EPHA4: variants seen among roughly 807,000 people sequenced by gnomAD.
The protein encoded by EPHA4 is ephrin type-A receptor 4.
EPHA4 carries 19 observed loss-of-function variants against 108.3 expected under a neutral mutation model. The ratio of observed to expected loss-of-function variants is 0.18; its 90% CI spans 0.12 to 0.26. The LOEUF (loss-of-function observed/expected upper bound fraction) is 0.26, where lower values mean the gene tolerates loss of function less well. Among genes scored for constraint, EPHA4 ranks in the 10% least tolerant of loss-of-function variants. The pLI is 1.00. For missense variants in EPHA4, 917 were observed against 1,254.0 expected (o/e 0.73, Z 4.06); for synonymous variants, 449 against 455.5 (o/e 0.99, Z 0.18).
intron 4 of EPHA4, among the ~76,000 whole-genome samples, chr2:221,494,647 A>C (rs560925033): frequency 6.6e-6 from 1 of 152,230 alleles, no homozygotes; most frequent in Admixed American, 6.5e-5. Context: ...TTTAAATATA[A>C]CATTGATTTA....
At chr2:221,572,366 G>A (rs1694872817), upstream of EPHA4, 2 of 876,770 alleles carry the variant, frequency 2.3e-6, no homozygotes, top group Non-Finnish European at 3.5e-6. Context: ...GGTGACGTGA[G>A]CCCGCCAGTC....
intron 9 of EPHA4, among the ~76,000 whole-genome samples, chr2:221,445,360 C>T (rs1333884724): frequency 2.0e-5 from 3 of 151,926 alleles, no homozygotes; most frequent in South Asian, 2.1e-4. Context: ...GAGGCCGAGG[C>T]GGGCGGATCA....
intron 5 of EPHA4, among the ~76,000 whole-genome samples, chr2:221,471,847 C>A (rs1340699841): frequency 6.6e-6 from 1 of 152,124 alleles, no homozygotes; most frequent in Non-Finnish European, 1.5e-5. Context: ...TAAGGCTCTG[C>A]TAGTTGTTCT....
At position 221,443,588 on chromosome 2, in the gene EPHA4, T is replaced by G; in HGVS notation, c.1793A>C (p.Asp598Ala). Residue 598 changes from aspartate (D) to alanine (A), a missense_variant, in exon 10 of 18, where the codon GAC (aspartate) becomes GCC (alanine). Asp to Ala is a moderately radical substitution (Grantham distance 126). This residue lies in a region of EPHA4 where 758 missense variants were observed against 1,076.7 expected (regional missense o/e 0.70). Coordinates refer to ENST00000281821, the MANE Select transcript of EPHA4 (RefSeq NM_004438.5). Reference sequence around the variant, plus strand: ...GTTGGGATCTTCGTACGTAAAGGGGTCCACATATGTTCTTACACCTGAGTG... The same window carrying G: ...GTTGGGATCTTCGTACGTAAAGGGGGCCACATATGTTCTTACACCTGAGTG... ...HLNQGVRTYV[D>A]PFTYEDPNQA... The G allele has an allele frequency of 6.2e-7, 1 of 1,613,866 alleles. No homozygotes were observed. The highest frequency in any genetic ancestry group is 1.1e-5 in the South Asian group (1 of 91,054).
chr2:221,532,122 TA>T (rs1693539364), intron 3 of EPHA4, among the ~76,000 whole-genome samples: 4 of 115,018 alleles, frequency 3.5e-5, no homozygotes, highest in African/African-American at 1.7e-4. Flanking sequence ...TATTTCAATT[TA>T]TTCTTTTTTT....
chr2:221,420,940 T>C (rs946607107), intron 17 of EPHA4, among the ~76,000 whole-genome samples: 39 of 152,158 alleles, frequency 2.6e-4, no homozygotes, highest in African/African-American at 8.2e-4. Flanking sequence ...AGCCTGTCTA[T>C]GAAATGAAAA....
rs764646085 is a variant in EPHA4 at position 221,446,179 on chromosome 2, C to T, written c.1718G>A (p.Arg573Gln). 6.6e-7 allele frequency: 1 copy of T among 1,504,720 alleles called. No individual in the cohort carries two copies. Among genetic ancestry groups the T allele is most frequent in the South Asian group, 1.4e-5 (1 of 70,936 alleles). The allele number at this position is 1,504,720 out of a possible 1,614,324, so 93.2% of individuals were successfully genotyped here. A position where few individuals can be genotyped will look rare whatever the true frequency, so the allele number is the denominator to read the frequency against. The change falls in exon 9 of 18, where the codon CGG becomes CAG. Residue 573 changes from arginine to glutamine, a missense_variant and splice_region_variant. This residue lies in a region of EPHA4 where 758 missense variants were observed against 1,076.7 expected (regional missense o/e 0.70). Coordinates refer to ENST00000281821, the MANE Select transcript of EPHA4 (RefSeq NM_004438.5). ...LIAAFVISRR[R>Q]SKYSKAKQEA... ...TTGTTTGGCTTTACTGTATTTACTC[C>T]GTCTATTAAAATTTTTTTAAAAAAG...
At chr2:221,539,492 G>A (rs184855003) in intron 3 of EPHA4, among the ~76,000 whole-genome samples, 36 of 152,282 alleles carry the variant, frequency 2.4e-4, no homozygotes, top group Non-Finnish European at 4.7e-4. Flanking sequence ...GAACCTTGTG[G>A]AATGTGCAAA....
chr2:221,565,765 A>G (rs1453133828), intron 2 of EPHA4, among the ~76,000 whole-genome samples: 1 of 152,236 alleles, frequency 6.6e-6, no homozygotes, highest in Non-Finnish European at 1.5e-5. Flanking sequence ...AAGCAATAAA[A>G]TCACCAGTAA....
intron 3 of EPHA4, among the ~76,000 whole-genome samples, chr2:221,515,008 T>C (rs1303907834): frequency 6.6e-6 from 1 of 152,172 alleles, no homozygotes; most frequent in African/African-American, 2.4e-5. Context: ...CCCAAGCAGA[T>C]CTCTAGACCA....
rs139949154 is a variant in EPHA4, at chr2:221,427,675, G to A, written c.2691-1056C>T. Among the ~76,000 whole-genome samples, 1,077 of 152,156 alleles carry A rather than the reference G, an allele frequency of 7.1e-3. 14 individuals are homozygous for A. Among genetic ancestry groups the A allele is most frequent in the African/African-American group, 0.024 (1,006 of 41,510 alleles). On this transcript the variant is annotated intron_variant, in intron 15 of 17. Transcript: ENST00000281821. ...TTAACATTTTGACCTGATTTTCAAC[G>A]TGATACTATGTTTAAGTACAAACAT...
intron 3 of EPHA4, among the ~76,000 whole-genome samples, chr2:221,556,081 C>T (rs1475905931): frequency 1.3e-5 from 2 of 152,164 alleles, no homozygotes; most frequent in Admixed American, 6.5e-5. Context: ...ACATTTTATA[C>T]TCTCAAAAAT....
At chr2:221,481,657 A>G (rs1461330217) in intron 5 of EPHA4, among the ~76,000 whole-genome samples, 1 of 152,110 alleles carries the variant, frequency 6.6e-6, no homozygotes. Context: ...CTGTCTCAAA[A>G]AGAAAAAAAG....
chr2:221,551,375 G>T (rs1694157167), intron 3 of EPHA4, among the ~76,000 whole-genome samples: 1 of 152,088 alleles, frequency 6.6e-6, no homozygotes. Flanking sequence ...ATCTCTTGTA[G>T]AAGTCAACAA....
intron 13 of EPHA4, among the ~76,000 whole-genome samples, chr2:221,435,554 G>C (rs1010689779): frequency 6.6e-6 from 1 of 152,026 alleles, no homozygotes; most frequent in East Asian, 1.9e-4. Context: ...GCAAAATGAA[G>C]AGTGTTAAAA....
chr2:221,533,290 T>C (rs1040343003), intron 3 of EPHA4, among the ~76,000 whole-genome samples: 2 of 152,180 alleles, frequency 1.3e-5, no homozygotes, highest in Non-Finnish European at 2.9e-5. Flanking sequence ...CAGCCTACCA[T>C]AAATACAATC....
intron 9 of EPHA4, among the ~76,000 whole-genome samples, chr2:221,444,369 A>C (rs771455272): frequency 1.3e-5 from 2 of 152,138 alleles, no homozygotes; most frequent in Non-Finnish European, 2.9e-5. Context: ...AGTCATTGTA[A>C]AAAGCTTTGT....
In EPHA4 at chr2:221,436,460, A is replaced by G; in HGVS notation, c.2285T>C (p.Val762Ala). ...ILVNSNLVCK[V>A]SDFGMSRVLE... ...CACTCGGGACATGCCAAAATCAGAC[A>G]CTTTGCAGACCAAGTTGCTGTTCAC... The change falls in exon 13 of 18, where the codon GTG (valine) becomes GCG (alanine). Residue 762 changes from valine to alanine, a missense_variant. Val to Ala is a moderately conservative substitution (Grantham distance 64). Transcript: ENST00000281821. 1 of 1,614,190 alleles carries G rather than the reference A, an allele frequency of 6.2e-7. No homozygotes were observed. The highest frequency in any genetic ancestry group is 8.5e-7 in the Non-Finnish European group (1 of 1,180,034).
At chr2:221,463,443 A>C (rs1242737711) in intron 5 of EPHA4, among the ~76,000 whole-genome samples, 1 of 152,158 alleles carries the variant, frequency 6.6e-6, no homozygotes, top group Non-Finnish European at 1.5e-5. Context: ...ATTTGGTTTG[A>C]GAGCAGACCA....
Sources: gnomAD v4.1 joint callset for allele counts (sites outside exome capture counted in the v4.1 genomes callset) on GRCh38, gnomAD v4.1.1 for gene constraint, gnomAD v4.1.1 regional missense constraint, MANE v1.5 for transcripts, NCBI Gene and HGNC (gene_info 2026-07-23, HGNC 2026-07-21) for gene names.